Variants in CPS1 observed in about 807,000 individuals in gnomAD.
CPS1 encodes carbamoyl-phosphate synthase [ammonia], mitochondrial.
CPS1 carries 109 observed loss-of-function variants against 174.6 expected under a neutral mutation model. The ratio of observed to expected loss-of-function variants is 0.62; its 90% CI spans 0.53 to 0.73. The LOEUF (loss-of-function observed/expected upper bound fraction) is 0.73. Ranked by LOEUF, CPS1 falls within the 30% of genes least tolerant of loss-of-function variation. The pLI is 0.00. For synonymous variants in CPS1, 637 were observed against 632.0 expected, an observed-to-expected ratio of 1.01 and a Z score of -0.12; for missense variants, 1,689 against 1,821.9, an observed-to-expected ratio of 0.93 and a Z score of 1.33.
intron 1 of CPS1, among the ~76,000 whole-genome samples, chr2:210,512,142 C>T (rs994782111): frequency 2.6e-5 from 4 of 151,946 alleles, no homozygotes; most frequent in Non-Finnish European, 5.9e-5. Flanking sequence ...TTCTAAAGCC[C>T]GAAACATGGA....
chr2:210,573,543 G>A, intron 2 of CPS1, 136 bp downstream of exon 2: 1 of 726,072 alleles, frequency 1.4e-6, no homozygotes, highest in Non-Finnish European at 2.4e-6. Context: ...CATGCCTTGT[G>A]CATAGCCTAC....
chr2:210,662,023 G>T (rs150137338), intron 32 of CPS1, among the ~76,000 whole-genome samples: 161 of 143,964 alleles, frequency 1.1e-3, no homozygotes, highest in African/African-American at 3.9e-3. Context: ...CTCCCCCTCA[G>T]CCCCCCAAGT....
In CPS1 at chr2:210,602,323, GCA is replaced by G. The variant is rs1208779482; in HGVS notation, c.1832_1833del (p.Thr611LysfsTer24). On this transcript the variant is annotated frameshift_variant, in exon 16 of 38. Coordinates refer to ENST00000233072, the MANE Select transcript of CPS1 (RefSeq NM_001875.5). LOFTEE classifies it high-confidence loss of function. ...AACAGAGAGACTTTGATGGACCTCA[GCA>G]CAAAGGTATGTATTTTTGTAGACAA... is the stretch of plus-strand genomic sequence containing the variant. 6.2e-7 allele frequency: 1 copy of G among 1,612,458 alleles called. No individual in the cohort carries two copies. The highest frequency in any genetic ancestry group is 2.2e-5 in the East Asian group (1 of 44,794).
intron 1 of CPS1, among the ~76,000 whole-genome samples, chr2:210,544,542 T>A (rs958600774): frequency 2.6e-5 from 4 of 152,082 alleles, no homozygotes; most frequent in African/African-American, 9.7e-5. Context: ...TAATTCTGCT[T>A]GTTGCTGAGC....
intron 1 of CPS1, among the ~76,000 whole-genome samples, chr2:210,512,500 C>G (rs896567087): frequency 6.6e-6 from 1 of 151,678 alleles, no homozygotes; most frequent in Non-Finnish European, 1.5e-5. Context: ...ATAATGGCCT[C>G]CAGCTACATC....
At chr2:210,659,021 CTG>C (rs1170870794) in intron 31 of CPS1, among the ~76,000 whole-genome samples, 1 of 152,152 alleles carries the variant, frequency 6.6e-6, no homozygotes, top group African/African-American at 2.4e-5. Flanking sequence ...GTCATAAATT[CTG>C]TGTACTGAAA....
At chr2:210,661,037 TG>T (rs1248155186) in intron 32 of CPS1, among the ~76,000 whole-genome samples, 1 of 152,190 alleles carries the variant, frequency 6.6e-6, no homozygotes, top group Non-Finnish European at 1.5e-5. Context: ...GGTTAGCCTG[TG>T]GGGTTGATTA....
intron 11 of CPS1, among the ~76,000 whole-genome samples, chr2:210,593,884 C>T (rs970888365): frequency 6.6e-6 from 1 of 151,874 alleles, no homozygotes; most frequent in African/African-American, 2.4e-5. Context: ...CTAACACATG[C>T]TAAGTAGTTT....
chr2:210,608,344 T>C lies in CPS1; in HGVS notation c.2193-17T>C, dbSNP rs1488921156. 1 of 1,609,988 alleles carries C rather than the reference T, an allele frequency of 6.2e-7. No homozygotes were observed. Among genetic ancestry groups the C allele is most frequent in the Admixed American group, 1.7e-5 (1 of 59,802 alleles). On this transcript the variant is annotated splice_polypyrimidine_tract_variant and intron_variant, in intron 18 of 37. Transcript: ENST00000233072. ...ATTGCTCGAAGAAAAAAAAATAAAT[T>C]TGTCTTCTTTTTATAGCTACCCATT...
At chr2:210,571,178 G>A (rs1019912703) in intron 1 of CPS1, among the ~76,000 whole-genome samples, 1 of 151,858 alleles carries the variant, frequency 6.6e-6, no homozygotes, top group South Asian at 2.1e-4. Context: ...CCTTTGTGCT[G>A]AGTAACTCTA....
intron 1 of CPS1, among the ~76,000 whole-genome samples, chr2:210,568,422 G>C (rs979353139): frequency 9.9e-5 from 15 of 152,122 alleles, no homozygotes; most frequent in African/African-American, 3.1e-4. Context: ...ACAGGTAGAA[G>C]TAAGGAGAGA....
intron 1 of CPS1, among the ~76,000 whole-genome samples, chr2:210,485,065 A>G (rs1694678216): frequency 6.6e-6 from 1 of 151,554 alleles, no homozygotes. Flanking sequence ...CGTCTCTACT[A>G]AAAATACAAA....
chr2:210,512,125 G>T (rs779097515), intron 1 of CPS1, among the ~76,000 whole-genome samples: 1 of 152,060 alleles, frequency 6.6e-6, no homozygotes, highest in Non-Finnish European at 1.5e-5. Flanking sequence ...AAAACCAGCT[G>T]CATTGTTTCT....
intron 21 of CPS1, among the ~76,000 whole-genome samples, chr2:210,630,764 G>T (rs1034240460): frequency 6.6e-6 from 1 of 152,044 alleles, no homozygotes; most frequent in Non-Finnish European, 1.5e-5. Flanking sequence ...TGCATTTCTC[G>T]TAAGGAAACA....
At chr2:210,641,462 A>T (rs189676003) in intron 24 of CPS1, among the ~76,000 whole-genome samples, 96 of 152,020 alleles carry the variant, frequency 6.3e-4, no homozygotes, top group Non-Finnish European at 3.4e-4. Context: ...TTCATGAGGG[A>T]TCTGCACTTA....
At chr2:210,598,865 T>C (rs956795509) in intron 13 of CPS1, among the ~76,000 whole-genome samples, 4 of 152,046 alleles carry the variant, frequency 2.6e-5, no homozygotes, top group African/African-American at 9.6e-5. Context: ...CAAATGGATC[T>C]GATAGACCTT....
chr2:210,583,858 A>G (rs572328437), intron 6 of CPS1, among the ~76,000 whole-genome samples: 2 of 152,154 alleles, frequency 1.3e-5, no homozygotes, highest in Admixed American at 1.3e-4. Flanking sequence ...CTAGAAGGTT[A>G]TTGTAACTTA....
intron 29 of CPS1, among the ~76,000 whole-genome samples, chr2:210,656,158 C>G (rs1481783709): frequency 6.6e-6 from 1 of 152,194 alleles, no homozygotes; most frequent in African/African-American, 2.4e-5. Flanking sequence ...GCTCTCCCAC[C>G]TTCTTTTCTT....
intron 1 of CPS1, among the ~76,000 whole-genome samples, chr2:210,484,386 T>G (rs907295987): frequency 6.6e-6 from 1 of 152,174 alleles, no homozygotes; most frequent in South Asian, 2.1e-4. Flanking sequence ...TTATAAGACA[T>G]GACAAGGAGC....
Sources: allele counts gnomAD v4.1 joint callset (sites outside exome capture counted in the v4.1 genomes callset), GRCh38; gene constraint gnomAD v4.1.1; transcripts MANE v1.5; gene names NCBI Gene and HGNC (gene_info 2026-07-23, HGNC 2026-07-21).